NIBAN1: variants seen among roughly 807,000 people sequenced by gnomAD.
NIBAN1 encodes the protein protein Niban 1.
A neutral mutation model predicts 75.1 loss-of-function variants in NIBAN1; 81 were observed. The observed-to-expected ratio is 1.08, with a 90% CI of 0.90 to 1.30. The LOEUF is 1.30. Ranked by LOEUF, NIBAN1 falls within the 50% of genes most tolerant of loss-of-function variation. NIBAN1 has a pLI of 0.00. For missense variants in NIBAN1, 1,133 were observed against 1,128.1 expected (o/e 1.00, Z -0.06); for synonymous variants, 436 against 424.8 (o/e 1.03, Z -0.32).
At chr1:184,898,290 C>T (rs764167596) in intron 2 of NIBAN1, among the ~76,000 whole-genome samples, 116 of 152,286 alleles carry the variant, frequency 7.6e-4, no homozygotes, top group Admixed American at 1.6e-3. Flanking sequence ...ATGTTATCTC[C>T]ACAGAGGGCT....
intron 9 of NIBAN1, among the ~76,000 whole-genome samples, chr1:184,812,397 A>C (rs1654407048): frequency 6.6e-6 from 1 of 152,224 alleles, no homozygotes; most frequent in Non-Finnish European, 1.5e-5. Flanking sequence ...CTTGGCCCCC[A>C]GCAGGATGGT....
chr1:184,964,636 T>C (rs1658732473), intron 1 of NIBAN1, among the ~76,000 whole-genome samples: 1 of 152,184 alleles, frequency 6.6e-6, no homozygotes, highest in Non-Finnish European at 1.5e-5. Flanking sequence ...CTTAGCTCAG[T>C]GTCTGTCCCA....
At chr1:184,906,876 C>A (rs1431350332) in intron 1 of NIBAN1, among the ~76,000 whole-genome samples, 1 of 152,162 alleles carries the variant, frequency 6.6e-6, no homozygotes, top group Non-Finnish European at 1.5e-5. Context: ...GAAGGTTCTT[C>A]TAAAACCAGT....
At position 184,791,535 on chromosome 1, in the gene NIBAN1, G is replaced by A. The variant is rs550070351; in HGVS notation, c.*3442C>T. Reference sequence around the variant, plus strand: ...GAAAGTTTACTATGTGTAATGCAAGGCACTTATGTCTCTGCTTAAAGCTAC... The same window carrying A: ...GAAAGTTTACTATGTGTAATGCAAGACACTTATGTCTCTGCTTAAAGCTAC... On this transcript the variant is annotated 3_prime_UTR_variant, in exon 14 of 14. Coordinates refer to ENST00000367511, the MANE Select transcript of NIBAN1 (RefSeq NM_052966.4). 6.6e-6 allele frequency: 1 copy of A among 150,544 alleles called. No individual in the cohort carries two copies. Among genetic ancestry groups the A allele is most frequent in the Non-Finnish European group, 1.5e-5 (1 of 67,800 alleles). 9.3% of individuals were successfully genotyped at this position (150,544 alleles called of 1,614,324 possible). A position where few individuals can be genotyped will look rare whatever the true frequency, so the allele number is the denominator to read the frequency against.
chr1:184,949,454 C>T (rs1395034192), intron 1 of NIBAN1, among the ~76,000 whole-genome samples: 1 of 152,238 alleles, frequency 6.6e-6, no homozygotes, highest in East Asian at 1.9e-4. Context: ...CCCTTATGAA[C>T]ACAGTACACG....
At chr1:184,806,738 G>C (rs1421695165) in intron 10 of NIBAN1, among the ~76,000 whole-genome samples, 1 of 150,608 alleles carries the variant, frequency 6.6e-6, no homozygotes, top group African/African-American at 2.4e-5. Context: ...CCAAGCCCGT[G>C]GTCCCAAAGC....
chr1:184,931,576 C>A (rs563667381), intron 1 of NIBAN1, among the ~76,000 whole-genome samples: 19 of 152,278 alleles, frequency 1.2e-4, no homozygotes, highest in Middle Eastern at 3.4e-3. Context: ...TAGTGGAATA[C>A]ATATTTTTCT....
At chr1:184,893,413 C>T (rs181493636) in intron 3 of NIBAN1, among the ~76,000 whole-genome samples, 1 of 152,248 alleles carries the variant, frequency 6.6e-6, no homozygotes, top group African/African-American at 2.4e-5. Context: ...CCAATAAAAA[C>T]TAAAGTCCTC....
At position 184,974,420 on chromosome 1, in the gene NIBAN1, A is replaced by T; in HGVS notation, c.-64T>A. 1 of 1,510,170 alleles carries T rather than the reference A, an allele frequency of 6.6e-7. No individual in the cohort carries two copies. The highest frequency in any genetic ancestry group is 8.8e-7 in the Non-Finnish European group (1 of 1,133,422). The allele number at this position is 1,510,170 out of a possible 1,614,324, so 93.5% of individuals were successfully genotyped here. ...GTCCGCGCCCGCTGCTAGCTCCTGG[A>T]GGTTGATCCGACGGCGAACCCGGCT... On this transcript the variant is annotated 5_prime_UTR_variant, in exon 1 of 14. Transcript: ENST00000367511.
chr1:184,965,887 A>T lies in NIBAN1; in HGVS notation c.55+8415T>A, dbSNP rs74753899. The stretch of plus-strand genomic sequence containing the variant: ...GTCAATTTGTAGAAAATACAGGAGA[A>T]ATGTGTGGAACTGCACCATGAGTAA... On this transcript the variant is annotated intron_variant, in intron 1 of 13. Transcript: ENST00000367511. Among the ~76,000 whole-genome samples the T allele has an allele frequency of 3.9e-3, 589 of 152,348 alleles. 10 individuals carry two copies. In the East Asian group the frequency reaches 0.047, roughly 12 times the overall value.
intron 5 of NIBAN1, among the ~76,000 whole-genome samples, chr1:184,882,319 T>C (rs1224316899): frequency 6.6e-6 from 1 of 152,090 alleles, no homozygotes; most frequent in Non-Finnish European, 1.5e-5. Flanking sequence ...GAACAGAAAA[T>C]GTGACACAAT....
intron 1 of NIBAN1, among the ~76,000 whole-genome samples, chr1:184,971,201 T>C (rs1658927035): frequency 6.6e-6 from 1 of 152,088 alleles, no homozygotes; most frequent in Non-Finnish European, 1.5e-5. Flanking sequence ...GAGGATCACC[T>C]GAGCCAGGGG....
At chr1:184,954,581 G>C (rs558198552) in intron 1 of NIBAN1, among the ~76,000 whole-genome samples, 2 of 152,230 alleles carry the variant, frequency 1.3e-5, no homozygotes, top group Non-Finnish European at 2.9e-5. Context: ...TCAGGGGCAG[G>C]GCAAATTATA....
chr1:184,946,167 G>A (rs1424625114), intron 1 of NIBAN1, among the ~76,000 whole-genome samples: 1 of 152,192 alleles, frequency 6.6e-6, no homozygotes, highest in Non-Finnish European at 1.5e-5. Context: ...TAAGCCAGAT[G>A]TTTGGCACCA....
intron 4 of NIBAN1, chr1:184,888,017 G>C (rs1656571075): frequency 6.6e-6 from 1 of 152,002 alleles, no homozygotes; most frequent in Non-Finnish European, 1.5e-5. Context: ...GCAGTTCTTT[G>C]TTTGTTTTTT....
intron 5 of NIBAN1, among the ~76,000 whole-genome samples, chr1:184,839,786 G>A (rs545289980): frequency 2.6e-5 from 4 of 152,014 alleles, no homozygotes; most frequent in East Asian, 1.9e-4. Context: ...TAGTATAGAC[G>A]GGGTTTTGCC....
intron 5 of NIBAN1, among the ~76,000 whole-genome samples, chr1:184,873,100 T>C (rs1383334637): frequency 1.3e-5 from 2 of 152,182 alleles, no homozygotes; most frequent in Non-Finnish European, 2.9e-5. Context: ...AGGAAAATAA[T>C]TGCTGCACCA....
chr1:184,796,758 A>C (rs1653883353), intron 13 of NIBAN1, among the ~76,000 whole-genome samples: 1 of 152,254 alleles, frequency 6.6e-6, no homozygotes, highest in Non-Finnish European at 1.5e-5. Context: ...TTCATATCAA[A>C]GACAGAACAG....
At chr1:184,854,819 G>A (rs1308471152) in intron 5 of NIBAN1, among the ~76,000 whole-genome samples, 3 of 152,162 alleles carry the variant, frequency 2.0e-5, no homozygotes, top group Non-Finnish European at 2.9e-5. Flanking sequence ...TCAATAGTGG[G>A]TACAGACTTG....
Sources: gnomAD v4.1 joint callset for allele counts (sites outside exome capture counted in the v4.1 genomes callset) on GRCh38, gnomAD v4.1.1 for gene constraint, MANE v1.5 for transcripts, NCBI Gene and HGNC (gene_info 2026-07-23, HGNC 2026-07-21) for gene names.